The following ATF6 variants were observed in gnomAD, a reference collection of about 807,000 sequenced individuals.
The protein encoded by ATF6 is activating transcription factor 6.
Under a neutral mutation model 83.6 loss-of-function variants are expected in ATF6, and 53 were observed. The observed-to-expected ratio is 0.63, with a 90% CI of 0.51 to 0.80. The LOEUF is 0.80. Ranked by LOEUF, ATF6 falls within the 30% of genes least tolerant of loss-of-function variation. ATF6 has a pLI of 0.00. For synonymous variants in ATF6, 288 were observed against 285.8 expected, an observed-to-expected ratio of 1.01 and a Z score of -0.08; for missense variants, 744 against 797.9, an observed-to-expected ratio of 0.93 and a Z score of 0.81.
chr1:161,905,561 G>A (rs1276813875), intron 14 of ATF6, among the ~76,000 whole-genome samples: 1 of 152,138 alleles, frequency 6.6e-6, no homozygotes, highest in African/African-American at 2.4e-5. Context: ...TTTCTAAAAT[G>A]AAACATCTTG....
chr1:161,830,561 C>G (rs1231592130), intron 9 of ATF6, among the ~76,000 whole-genome samples: 1 of 152,190 alleles, frequency 6.6e-6, no homozygotes, highest in Non-Finnish European at 1.5e-5. Flanking sequence ...TACAAGGCTA[C>G]AGTAACCAAA....
intron 15 of ATF6, among the ~76,000 whole-genome samples, chr1:161,952,122 T>C (rs1052459157): frequency 1.3e-5 from 2 of 152,116 alleles, no homozygotes; most frequent in African/African-American, 4.8e-5. Flanking sequence ...ACACAGGTGT[T>C]CCCAGCATTC....
chr1:161,773,558 G>A (rs1381186339), intron 1 of ATF6, among the ~76,000 whole-genome samples: 1 of 152,172 alleles, frequency 6.6e-6, no homozygotes, highest in Admixed American at 6.5e-5. Flanking sequence ...GAGCCATCAT[G>A]CCTGGCCTGA....
Position 161,789,426 on chromosome 1 carries a change from G to A in ATF6, c.355-1982G>A, listed in dbSNP as rs76110710. Among the ~76,000 whole-genome samples, 2,672 of 151,364 alleles carry A rather than the reference G, an allele frequency of 0.018. 222 individuals carry two copies. In the East Asian group the frequency reaches 0.18, roughly 10 times the overall value. ...GAGAACATGTGATGTTTGTCTTTCT[G>A]TGCCTGGCTTGAAATATTTATTTTT... On this transcript the variant is annotated intron_variant, in intron 4 of 15. Transcript: ENST00000367942.
At chr1:161,891,606 T>G (rs186171257) in intron 14 of ATF6, 1 of 152,356 alleles carries the variant, frequency 6.6e-6, no homozygotes, top group East Asian at 1.9e-4. Context: ...GTATGCCACC[T>G]TGCGTGATGT....
At chr1:161,901,427 T>C (rs1179912013) in intron 14 of ATF6, among the ~76,000 whole-genome samples, 1 of 150,444 alleles carries the variant, frequency 6.6e-6, no homozygotes, top group Non-Finnish European at 1.5e-5. Flanking sequence ...TAATGTTTTA[T>C]TTGAAAAAAA....
chr1:161,890,859 G>C (rs1019368086), intron 14 of ATF6: 3 of 152,456 alleles, frequency 2.0e-5, no homozygotes, highest in Non-Finnish European at 2.9e-5. Context: ...TTGTGGCGGC[G>C]GCGAGGCCCA....
chr1:161,800,905 T>C (rs1220068845), intron 6 of ATF6, among the ~76,000 whole-genome samples: 1 of 152,236 alleles, frequency 6.6e-6, no homozygotes, highest in Admixed American at 6.5e-5. Flanking sequence ...TCTTTTTCTG[T>C]TATGACTGTA....
At chr1:161,821,334 C>A (rs868210803) in intron 9 of ATF6, among the ~76,000 whole-genome samples, 173 bp downstream of exon 9, 5 of 152,056 alleles carry the variant, frequency 3.3e-5, no homozygotes, top group Non-Finnish European at 7.4e-5. Flanking sequence ...GGAGGAGAGA[C>A]AAGTAGAAGG....
chr1:161,941,196 A>G (rs982446644), intron 15 of ATF6, among the ~76,000 whole-genome samples: 1 of 152,248 alleles, frequency 6.6e-6, no homozygotes, highest in South Asian at 2.1e-4. Context: ...CTGCTGGGCT[A>G]TATATTAAAG....
chr1:161,822,959 T>C (rs973024679), intron 9 of ATF6, among the ~76,000 whole-genome samples: 5 of 152,210 alleles, frequency 3.3e-5, no homozygotes, highest in African/African-American at 1.2e-4. Context: ...AACAATTATA[T>C]ACAAATTGTG....
At chr1:161,931,154 C>T (rs1330920964) in intron 15 of ATF6, among the ~76,000 whole-genome samples, 1 of 152,204 alleles carries the variant, frequency 6.6e-6, no homozygotes, top group Non-Finnish European at 1.5e-5. Context: ...GGATTACAGG[C>T]GTGAGCCACC....
At chr1:161,936,748 A>C (rs1419587346) in intron 15 of ATF6, among the ~76,000 whole-genome samples, 1 of 151,990 alleles carries the variant, frequency 6.6e-6, no homozygotes, top group Non-Finnish European at 1.5e-5. Context: ...CTCCAAACCC[A>C]CTCTAATCCC....
At chr1:161,929,202 C>A (rs1222714608) in intron 15 of ATF6, among the ~76,000 whole-genome samples, 1 of 152,172 alleles carries the variant, frequency 6.6e-6, no homozygotes, top group African/African-American at 2.4e-5. Flanking sequence ...TTTCAGGTGA[C>A]AGAAACTAAC....
At chr1:161,915,511 C>G (rs181351526) in intron 15 of ATF6, among the ~76,000 whole-genome samples, 120 of 152,320 alleles carry the variant, frequency 7.9e-4, no homozygotes, top group African/African-American at 2.7e-3. Context: ...CTTTTGGACC[C>G]TGACTCCTAG....
At chr1:161,791,345 T>C in intron 4 of ATF6, 63 bp from the exon 5 acceptor site, 1 of 1,465,720 alleles carries the variant, frequency 6.8e-7, no homozygotes, top group Non-Finnish European at 9.1e-7. Flanking sequence ...GGTCTCCTCC[T>C]TTTCTATGCA....
chr1:161,773,575 T>C (rs1380174778), intron 1 of ATF6, among the ~76,000 whole-genome samples: 1 of 152,166 alleles, frequency 6.6e-6, no homozygotes, highest in East Asian at 1.9e-4. Flanking sequence ...CTGAAACTGC[T>C]GTTTTTAAGG....
chr1:161,936,274 A>G (rs999190375), intron 15 of ATF6, among the ~76,000 whole-genome samples: 5 of 150,296 alleles, frequency 3.3e-5, no homozygotes, highest in African/African-American at 4.9e-5. Context: ...ACACTTGACT[A>G]AAACCTACAG....
intron 4 of ATF6, 25 bp from the exon 5 acceptor site, chr1:161,791,383 A>G (rs367922027): frequency 1.9e-5 from 30 of 1,586,464 alleles, no homozygotes; most frequent in Non-Finnish European, 2.6e-5. Flanking sequence ...TATACTCATT[A>G]ATTTTTGTTT....
Sources: allele counts gnomAD v4.1 joint callset (sites outside exome capture counted in the v4.1 genomes callset), GRCh38; gene constraint gnomAD v4.1.1; transcripts MANE v1.5; gene names NCBI Gene and HGNC (gene_info 2026-07-23, HGNC 2026-07-21).